The following GPATCH2 variants were observed in gnomAD, a reference collection of about 807,000 sequenced individuals.
The protein encoded by GPATCH2 is G-patch domain containing 2, also known as G patch domain-containing protein 2.
In GPATCH2, 51 loss-of-function variants were observed where a neutral mutation model predicts 58.0. That is an observed-to-expected ratio of 0.88 (90% CI 0.70 to 1.11). The LOEUF (loss-of-function observed/expected upper bound fraction) is 1.11. Ranked by LOEUF, GPATCH2 falls within the 50% of genes most tolerant of loss-of-function variation. GPATCH2 has a pLI of 0.00. For missense variants in GPATCH2, 625 were observed against 652.2 expected (o/e 0.96, Z 0.45); for synonymous variants, 222 against 218.5 (o/e 1.02, Z -0.14).
In GPATCH2 at chr1:217,564,609, T is replaced by A. The variant is rs539336437; in HGVS notation, c.1098+45712A>T. Among the ~76,000 whole-genome samples, 173 of 152,318 alleles carry A rather than the reference T, an allele frequency of 1.1e-3. 1 individual carries two copies. Among genetic ancestry groups the A allele is most frequent in the African/African-American group, 4.0e-3 (168 of 41,554 alleles). On this transcript the variant is annotated intron_variant, in intron 5 of 9. Coordinates refer to ENST00000366935, the MANE Select transcript of GPATCH2 (RefSeq NM_018040.5). ...ACAGAATGTCCCATTTTTTTCCATT[T>A]CAGCTACAACTTTTTTTCTGGTTTA...
chr1:217,564,854 C>G (rs752903021), intron 5 of GPATCH2, among the ~76,000 whole-genome samples: 6 of 152,214 alleles, frequency 3.9e-5, no homozygotes, highest in African/African-American at 1.2e-4. Flanking sequence ...GCTGCTGGCT[C>G]TAAGTGTTAA....
intron 8 of GPATCH2, among the ~76,000 whole-genome samples, chr1:217,467,699 A>T (rs1478913350): frequency 8.2e-6 from 1 of 121,704 alleles, no homozygotes; most frequent in Non-Finnish European, 1.6e-5. Flanking sequence ...ATTTTTCTTT[A>T]AAAAAAAAAA....
chr1:217,515,154 A>G (rs907047542), intron 5 of GPATCH2, among the ~76,000 whole-genome samples: 4 of 150,742 alleles, frequency 2.7e-5, no homozygotes, highest in East Asian at 2.0e-4. Flanking sequence ...GGAGTGCAGC[A>G]GCGCGATCTC....
rs890436766 is a variant in GPATCH2, at chr1:217,530,732, A to C, written c.1099-15843T>G. Among the ~76,000 whole-genome samples, 2 of 152,322 alleles carry C rather than the reference A, an allele frequency of 1.3e-5. 1 individual carries two copies. Among genetic ancestry groups the C allele is most frequent in the Middle Eastern group, 6.8e-3 (2 of 294 alleles). ...AAACACTCAATGTTTAAAAATAGTT[A>C]CTTAAAGCCTGTGGTACTTAGTCTA... On this transcript the variant is annotated intron_variant, in intron 5 of 9. Coordinates refer to ENST00000366935, the MANE Select transcript of GPATCH2 (RefSeq NM_018040.5).
At chr1:217,432,686 T>C (rs6663228) in intron 9 of GPATCH2, among the ~76,000 whole-genome samples, 46,459 of 152,056 alleles carry the variant, frequency 0.31, 7,374 homozygotes, top group Middle Eastern at 0.44. Context: ...GAGCATTTCT[T>C]ATGGTTACTC....
intron 5 of GPATCH2, among the ~76,000 whole-genome samples, chr1:217,543,907 G>C (rs1013377652): frequency 6.6e-6 from 1 of 152,080 alleles, no homozygotes; most frequent in East Asian, 1.9e-4. Flanking sequence ...TCCTTCAAGA[G>C]GATTCTTTCT....
chr1:217,546,978 T>C (rs1035631815), intron 5 of GPATCH2, among the ~76,000 whole-genome samples: 7 of 151,542 alleles, frequency 4.6e-5, no homozygotes, highest in Non-Finnish European at 7.4e-5. Context: ...CAGCCAACAA[T>C]GATATGAAAA....
chr1:217,620,312 A>T lies in GPATCH2; in HGVS notation c.244T>A (p.Trp82Arg). Reference sequence around the variant, plus strand: ...TCACTTAAGCAGTGACCAGTCTCCCACGGGTGATGCACATTATACGACCTC... The same window carrying T: ...TCACTTAAGCAGTGACCAGTCTCCCTCGGGTGATGCACATTATACGACCTC... ...KRRSYNVHHP[W>R]ETGHCLSEGS... The change falls in exon 2 of 10, where the codon TGG becomes AGG. Residue 82 changes from tryptophan (W) to arginine (R), a missense_variant. Coordinates refer to ENST00000366935, the MANE Select transcript of GPATCH2 (RefSeq NM_018040.5). The T allele has an allele frequency of 6.2e-7, 1 of 1,614,014 alleles. No individual in the cohort carries two copies. Among genetic ancestry groups the T allele is most frequent in the Non-Finnish European group, 8.5e-7 (1 of 1,180,010 alleles).
chr1:217,497,857 A>G (rs950934554), intron 7 of GPATCH2, among the ~76,000 whole-genome samples: 4 of 152,308 alleles, frequency 2.6e-5, no homozygotes. Context: ...ATGAATGTCA[A>G]CTTCTCACTG....
At chr1:217,570,336 T>A (rs1666473789) in intron 5 of GPATCH2, among the ~76,000 whole-genome samples, 2 of 151,986 alleles carry the variant, frequency 1.3e-5, no homozygotes, top group Non-Finnish European at 2.9e-5. Flanking sequence ...TGGTCTTGAA[T>A]TCCTGACCGC....
At chr1:217,543,755 G>A (rs575225455) in intron 5 of GPATCH2, among the ~76,000 whole-genome samples, 1 of 152,272 alleles carries the variant, frequency 6.6e-6, no homozygotes, top group African/African-American at 2.4e-5. Context: ...ACACCTAAAT[G>A]TTCTGAGAAA....
intron 5 of GPATCH2, among the ~76,000 whole-genome samples, chr1:217,564,813 A>G (rs140546938): frequency 5.7e-4 from 87 of 152,334 alleles, no homozygotes; most frequent in African/African-American, 2.0e-3. Flanking sequence ...ATACATTTCC[A>G]TAATGCATAC....
intron 5 of GPATCH2, among the ~76,000 whole-genome samples, chr1:217,559,482 C>T (rs1006327296): frequency 6.6e-6 from 1 of 152,204 alleles, no homozygotes; most frequent in Non-Finnish European, 1.5e-5. Context: ...TCCTATTTCT[C>T]ACTATCACCC....
intron 5 of GPATCH2, among the ~76,000 whole-genome samples, chr1:217,549,704 A>C (rs916451807): frequency 4.6e-5 from 7 of 152,180 alleles, no homozygotes; most frequent in Non-Finnish European, 8.8e-5. Context: ...GTATGAGAAA[A>C]AACGAAGAAT....
intron 5 of GPATCH2, among the ~76,000 whole-genome samples, chr1:217,603,765 G>A (rs983152349): frequency 2.0e-5 from 3 of 152,020 alleles, no homozygotes; most frequent in Admixed American, 1.3e-4. Flanking sequence ...TGGGATTACA[G>A]GCACATATCA....
chr1:217,452,850 G>T (rs924756843), intron 8 of GPATCH2, among the ~76,000 whole-genome samples: 1 of 152,062 alleles, frequency 6.6e-6, no homozygotes, highest in Non-Finnish European at 1.5e-5. Flanking sequence ...GAAGACCTGA[G>T]CCATAAGAAA....
intron 2 of GPATCH2, among the ~76,000 whole-genome samples, chr1:217,616,696 T>C (rs1668902854): frequency 6.6e-6 from 1 of 152,168 alleles, no homozygotes. Context: ...TGACAGTCAT[T>C]ACGGCTTATC....
In GPATCH2 at chr1:217,430,965, C is replaced by T; in HGVS notation, c.*180G>A. 1 of 601,190 alleles carries T rather than the reference C, an allele frequency of 1.7e-6. No homozygotes were observed. The highest frequency in any genetic ancestry group is 3.0e-6 in the Non-Finnish European group (1 of 336,850). 37.2% of individuals were successfully genotyped at this position (601,190 alleles called of 1,614,324 possible). Reference sequence around the variant, plus strand: ...AAGTGCAGAGGTTTTCATTTTAGCACCATGAATTGTGATGAAATCCCATTT... The same window carrying T: ...AAGTGCAGAGGTTTTCATTTTAGCATCATGAATTGTGATGAAATCCCATTT... On this transcript the variant is annotated 3_prime_UTR_variant, in exon 10 of 10. Coordinates refer to ENST00000366935, the MANE Select transcript of GPATCH2 (RefSeq NM_018040.5).
Position 217,631,061 on chromosome 1 carries a change from G to A in GPATCH2, c.-90C>T. ...CCGGCGACTTCCAAAGAGCAGTTCA[G>A]CATTTTGAGATGAGCTTCCGGAAGC... On this transcript the variant is annotated 5_prime_UTR_variant, in exon 1 of 10. Transcript: ENST00000366935. The A allele has an allele frequency of 7.8e-7, 1 of 1,278,952 alleles. No individual in the cohort carries two copies. The highest frequency in any genetic ancestry group is 1.1e-6 in the Non-Finnish European group (1 of 921,428). The allele number at this position is 1,278,952 out of a possible 1,614,324, so 79.2% of individuals were successfully genotyped here.
Sources: gnomAD v4.1 joint callset for allele counts (sites outside exome capture counted in the v4.1 genomes callset) on GRCh38, gnomAD v4.1.1 for gene constraint, MANE v1.5 for transcripts, NCBI Gene and HGNC (gene_info 2026-07-23, HGNC 2026-07-21) for gene names.